Variants in PUS10 observed in about 807,000 individuals in gnomAD.
The protein encoded by PUS10 is pseudouridine synthase 10, also known as tRNA pseudouridine synthase Pus10.
Under a neutral mutation model 75.0 loss-of-function variants are expected in PUS10, and 59 were observed. That is an observed-to-expected ratio of 0.79 (90% CI 0.64 to 0.98). The LOEUF is 0.98. Among genes scored for constraint, PUS10 ranks in the 50% least tolerant of loss-of-function variants. PUS10 has a pLI of 0.00. For synonymous variants in PUS10, 219 were observed against 211.6 expected, an observed-to-expected ratio of 1.03 and a Z score of -0.30; for missense variants, 650 against 614.4, an observed-to-expected ratio of 1.06 and a Z score of -0.61.
At chr2:60,999,636 T>C (rs973803885) in intron 4 of PUS10, among the ~76,000 whole-genome samples, 6 of 152,048 alleles carry the variant, frequency 3.9e-5, no homozygotes, top group African/African-American at 1.2e-4. Context: ...ATAAACACTA[T>C]AATAAGTATT....
At chr2:61,016,784 G>A (rs561019550) in intron 1 of PUS10, among the ~76,000 whole-genome samples, 2 of 152,124 alleles carry the variant, frequency 1.3e-5, no homozygotes, top group Non-Finnish European at 2.9e-5. Context: ...AAAAACTAGC[G>A]AAATGACCAG....
chr2:60,946,255 T>A (rs1674937339), intron 16 of PUS10, among the ~76,000 whole-genome samples: 1 of 152,198 alleles, frequency 6.6e-6, no homozygotes, highest in Non-Finnish European at 1.5e-5. Flanking sequence ...AAGGTTTAAG[T>A]CAAATGAGCT....
At chr2:60,979,172 C>CA (rs1195912424) in intron 4 of PUS10, among the ~76,000 whole-genome samples, 2 of 151,906 alleles carry the variant, frequency 1.3e-5, no homozygotes, top group Non-Finnish European at 2.9e-5. Context: ...TACATACATA[C>CA]AAACATTTAT....
chr2:60,953,240 G>A, intron 14 of PUS10, 126 bp from the exon 15 acceptor site: 1 of 635,706 alleles, frequency 1.6e-6, no homozygotes, highest in Non-Finnish European at 2.8e-6. Context: ...ACAATTCAAT[G>A]ATTTTTAGTA....
intron 4 of PUS10, among the ~76,000 whole-genome samples, chr2:60,995,803 T>C (rs1678421640): frequency 6.6e-6 from 1 of 152,230 alleles, no homozygotes; most frequent in South Asian, 2.1e-4. Flanking sequence ...TTCACAAGAA[T>C]AAGACCATAC....
chr2:60,945,224 G>C (rs1052651302), intron 16 of PUS10, 116 bp from the exon 17 acceptor site: 1 of 673,076 alleles, frequency 1.5e-6, no homozygotes, highest in Non-Finnish European at 2.6e-6. Flanking sequence ...GGTTACTTCT[G>C]AGCTCTGACT....
chr2:60,963,791 C>G (rs1246969930), intron 8 of PUS10, among the ~76,000 whole-genome samples: 1 of 152,166 alleles, frequency 6.6e-6, no homozygotes, highest in African/African-American at 2.4e-5. Context: ...TGCTCCCAGC[C>G]ATGAGGCAAG....
chr2:61,010,761 T>G, intron 2 of PUS10: 2 of 1,548,876 alleles, frequency 1.3e-6, no homozygotes, highest in Non-Finnish European at 1.7e-6. Context: ...GGGATTCAAA[T>G]CCATGTCTTC....
At chr2:60,969,548 T>G (rs1041152667) in intron 5 of PUS10, among the ~76,000 whole-genome samples, 2 of 152,364 alleles carry the variant, frequency 1.3e-5, no homozygotes, top group Middle Eastern at 3.4e-3. Context: ...CAATCACTTT[T>G]GCTGTAGATA....
intron 4 of PUS10, among the ~76,000 whole-genome samples, chr2:60,984,319 A>T (rs1312603194): frequency 6.6e-6 from 1 of 152,226 alleles, no homozygotes; most frequent in African/African-American, 2.4e-5. Flanking sequence ...GATGGCTAGT[A>T]AACATATAAA....
chr2:60,946,265 T>C (rs574040954), intron 16 of PUS10, among the ~76,000 whole-genome samples: 1 of 152,346 alleles, frequency 6.6e-6, no homozygotes, highest in African/African-American at 2.4e-5. Context: ...TCAAATGAGC[T>C]AGCTCAGTGC....
Position 60,944,950 on chromosome 2 carries a change from G to C in PUS10, c.1551+59C>G, listed in dbSNP as rs1368074095. 3.1e-6 allele frequency: 4 copies of C among 1,277,880 alleles called. No homozygotes were observed. In the East Asian group the frequency reaches 9.2e-5, roughly 30 times the overall value. 79.2% of individuals were successfully genotyped at this position (1,277,880 alleles called of 1,614,324 possible). A position where few individuals can be genotyped will look rare whatever the true frequency, so the allele number is the denominator to read the frequency against. On this transcript the variant is annotated intron_variant, in intron 17 of 17. Coordinates refer to ENST00000316752, the MANE Select transcript of PUS10 (RefSeq NM_144709.4). Reference sequence around the variant, plus strand: ...GATACTAAAATGGCTTAATGCCAAAGAGCATAACTTTGGTTGAATTCAATT... The same window carrying C: ...GATACTAAAATGGCTTAATGCCAAACAGCATAACTTTGGTTGAATTCAATT...
At chr2:60,986,692 T>C (rs1677742637) in intron 4 of PUS10, among the ~76,000 whole-genome samples, 1 of 152,238 alleles carries the variant, frequency 6.6e-6, no homozygotes, top group Admixed American at 6.5e-5. Context: ...AACTCTTCAA[T>C]CTGCTAGTTT....
intron 4 of PUS10, among the ~76,000 whole-genome samples, chr2:60,993,236 C>T (rs535322952): frequency 6.6e-6 from 1 of 152,256 alleles, no homozygotes; most frequent in South Asian, 2.1e-4. Flanking sequence ...GCAGGCAGAC[C>T]ACAAGGTCAG....
At chr2:61,017,969 C>T (rs760435468) in intron 1 of PUS10, 39 bp downstream of exon 1, 14 of 1,331,392 alleles carry the variant, frequency 1.1e-5, no homozygotes, top group African/African-American at 1.5e-5. Flanking sequence ...CAATACCCAA[C>T]CTTGGGGATA....
intron 5 of PUS10, among the ~76,000 whole-genome samples, chr2:60,969,834 C>A (rs1164116166): frequency 6.6e-6 from 1 of 152,164 alleles, no homozygotes; most frequent in East Asian, 1.9e-4. Flanking sequence ...TGCCTGTAAT[C>A]CCAGCACTTT....
chr2:60,989,034 G>A (rs1677903145), intron 4 of PUS10, among the ~76,000 whole-genome samples: 1 of 152,114 alleles, frequency 6.6e-6, no homozygotes, highest in South Asian at 2.1e-4. Flanking sequence ...TAGGAGTGCA[G>A]GGAATAGCAA....
At position 60,967,579 on chromosome 2, in the gene PUS10, C is replaced by G; in HGVS notation, c.538G>C (p.Val180Leu). 1 of 1,609,356 alleles carries G rather than the reference C, an allele frequency of 6.2e-7. No individual in the cohort carries two copies. Among genetic ancestry groups the G allele is most frequent in the Non-Finnish European group, 8.5e-7 (1 of 1,177,742 alleles). Residue 180 changes from valine (V) to leucine (L), a missense_variant, in exon 6 of 18, where the codon GTT (valine) becomes CTT (leucine). Transcript: ENST00000316752. ...CATTTGTAGGCTTCTTTTAGCTGAA[C>G]TATATCATCTCTTCCCAGCGACAGA... The part of the protein sequence containing the change: ...QSLSLGRDDI[V>L]QLKEAYKWIT...
intron 15 of PUS10, among the ~76,000 whole-genome samples, chr2:60,952,668 A>T (rs1200028505): frequency 1.3e-5 from 2 of 152,230 alleles, no homozygotes; most frequent in East Asian, 3.8e-4. Context: ...AATTATTTTA[A>T]CTAATTTTAT....
Sources: gnomAD v4.1 joint callset for allele counts (sites outside exome capture counted in the v4.1 genomes callset) on GRCh38, gnomAD v4.1.1 for gene constraint, MANE v1.5 for transcripts, NCBI Gene and HGNC (gene_info 2026-07-23, HGNC 2026-07-21) for gene names.